The following PLGRKT variants were observed in gnomAD, a reference collection of about 807,000 sequenced individuals.
PLGRKT encodes the protein plasminogen receptor (KT).
In PLGRKT, 22 loss-of-function variants were observed where a neutral mutation model predicts 18.5. The observed-to-expected ratio is 1.19, with a 90% CI of 0.85 to 1.70. The LOEUF is 1.70. Among genes scored for constraint, PLGRKT ranks in the 40% most tolerant of loss-of-function variants. The pLI, the probability that PLGRKT is intolerant of heterozygous loss-of-function variation, is 0.00. For missense variants in PLGRKT, 235 were observed against 174.4 expected (o/e 1.35, Z -1.96); for synonymous variants, 72 against 52.8 (o/e 1.36, Z -1.58).
intron 3 of PLGRKT, among the ~76,000 whole-genome samples, chr9:5,393,671 T>C (rs1817990955): frequency 6.6e-6 from 1 of 151,868 alleles, no homozygotes; most frequent in South Asian, 2.1e-4. Flanking sequence ...GAATCAGAAA[T>C]TCTCTTACTA....
intron 3 of PLGRKT, among the ~76,000 whole-genome samples, chr9:5,415,056 A>G (rs1818433148): frequency 1.3e-5 from 2 of 152,232 alleles, no homozygotes; most frequent in Non-Finnish European, 2.9e-5. Context: ...TCCAAATATC[A>G]TTCTCTGACA....
chr9:5,365,263 G>C (rs909371372), intron 3 of PLGRKT, among the ~76,000 whole-genome samples: 5 of 152,190 alleles, frequency 3.3e-5, no homozygotes, highest in Non-Finnish European at 7.4e-5. Context: ...GATGGAGTAT[G>C]TCAAAGGGAC....
chr9:5,395,934 C>A (rs1818037845), intron 3 of PLGRKT, among the ~76,000 whole-genome samples: 1 of 144,500 alleles, frequency 6.9e-6, no homozygotes, highest in African/African-American at 2.6e-5. Context: ...CACTCTGTTG[C>A]CCAGACTGGC....
chr9:5,404,254 ACCCCTCCCT>A (rs1164533642), intron 3 of PLGRKT, among the ~76,000 whole-genome samples: 37 of 152,050 alleles, frequency 2.4e-4, no homozygotes, highest in Non-Finnish European at 1.6e-4. Flanking sequence ...AAAAGGAGGG[ACCCCTCCCT>A]AACTCATTCT....
At chr9:5,373,376 T>C (rs1817565823) in intron 3 of PLGRKT, among the ~76,000 whole-genome samples, 2 of 152,198 alleles carry the variant, frequency 1.3e-5, no homozygotes, top group African/African-American at 4.8e-5. Context: ...GTCCAAATAA[T>C]GACCACATTC....
chr9:5,380,190 C>T (rs1002345032), intron 3 of PLGRKT, among the ~76,000 whole-genome samples: 40 of 151,854 alleles, frequency 2.6e-4, no homozygotes, highest in Admixed American at 2.6e-3. Context: ...CGGTGAAACC[C>T]CGTCTCTACT....
chr9:5,377,728 G>A (rs551742979), intron 3 of PLGRKT, among the ~76,000 whole-genome samples: 21 of 152,204 alleles, frequency 1.4e-4, no homozygotes, highest in East Asian at 3.9e-4. Flanking sequence ...ACCTACCCAC[G>A]TAACAACAAA....
intron 3 of PLGRKT, among the ~76,000 whole-genome samples, chr9:5,377,249 TA>T (rs34637029): frequency 0.31 from 44,936 of 145,120 alleles, 6,754 homozygotes; most frequent in African/African-American, 0.32. Context: ...ACAAGTAAAC[TA>T]AAAAAAAAAA....
intron 2 of PLGRKT, among the ~76,000 whole-genome samples, chr9:5,434,502 G>GTACCC (rs1818917812): frequency 6.7e-6 from 1 of 149,676 alleles, no homozygotes; most frequent in Admixed American, 6.6e-5. Flanking sequence ...CCTGGGAAGT[G>GTACCC]AGGGGCACCT....
chr9:5,379,262 T>C (rs147825853), intron 3 of PLGRKT, among the ~76,000 whole-genome samples: 40 of 152,312 alleles, frequency 2.6e-4, no homozygotes, highest in African/African-American at 9.1e-4. Flanking sequence ...GAAATTACTT[T>C]AGTGAACTTT....
At chr9:5,415,052 T>C (rs1302144287) in intron 3 of PLGRKT, among the ~76,000 whole-genome samples, 1 of 152,216 alleles carries the variant, frequency 6.6e-6, no homozygotes, top group East Asian at 1.9e-4. Context: ...GATTTCCAAA[T>C]ATCATTCTCT....
intron 3 of PLGRKT, among the ~76,000 whole-genome samples, chr9:5,404,872 G>C (rs1286115586): frequency 2.0e-5 from 3 of 152,102 alleles, no homozygotes; most frequent in African/African-American, 7.2e-5. Flanking sequence ...CCTTTACCTA[G>C]AAAACCCCAT....
At chr9:5,413,513 G>C (rs951218938) in intron 3 of PLGRKT, among the ~76,000 whole-genome samples, 1 of 152,194 alleles carries the variant, frequency 6.6e-6, no homozygotes, top group African/African-American at 2.4e-5. Flanking sequence ...AGGCAAGAGA[G>C]TCAGAATTAG....
In PLGRKT at chr9:5,437,816, G is replaced by C. The variant is rs1374710429; in HGVS notation, c.-160C>G. On this transcript the variant is annotated 5_prime_UTR_variant, in exon 1 of 6. Transcript: ENST00000223864. ...GGCGGCGCTGGTGCCGGGACCAGGC[G>C]ACCGGTACGCAAACCTCCAGGCCCG... is the stretch of plus-strand genomic sequence containing the variant. The C allele has an allele frequency of 6.6e-6, 1 of 152,284 alleles. No individual in the cohort carries two copies. Among genetic ancestry groups the C allele is most frequent in the East Asian group, 1.9e-4 (1 of 5,190 alleles). 9.4% of individuals were successfully genotyped at this position (152,284 alleles called of 1,614,324 possible).
rs546620978 is a variant in PLGRKT at position 5,371,064 on chromosome 9, T to G, written c.82-9176A>C. On this transcript the variant is annotated intron_variant, in intron 3 of 5. Coordinates refer to ENST00000223864, the MANE Select transcript of PLGRKT (RefSeq NM_018465.4). ...CTTATTATATATCTTCCAATAAAGA[T>G]TACAACATAATTACATCCATTCTTA... Among the ~76,000 whole-genome samples, 27 of 152,292 alleles carry G rather than the reference T, an allele frequency of 1.8e-4. No homozygotes were observed. The South Asian group carries it at 5.4e-3, about 30-fold the overall frequency.
chr9:5,410,714 AAGGC>A (rs758217987), intron 3 of PLGRKT, among the ~76,000 whole-genome samples: 5 of 152,218 alleles, frequency 3.3e-5, no homozygotes, highest in African/African-American at 9.6e-5. Flanking sequence ...CTCTTGGAAT[AAGGC>A]AGATCCACAG....
At chr9:5,366,860 A>C (rs1029474368) in intron 3 of PLGRKT, among the ~76,000 whole-genome samples, 3 of 152,162 alleles carry the variant, frequency 2.0e-5, no homozygotes, top group Non-Finnish European at 4.4e-5. Flanking sequence ...GATGCTGCCA[A>C]GAGGCTCCTA....
intron 3 of PLGRKT, among the ~76,000 whole-genome samples, chr9:5,391,002 C>T (rs567250734): frequency 1.4e-4 from 22 of 151,998 alleles, no homozygotes; most frequent in Non-Finnish European, 3.1e-4. Flanking sequence ...TATTCGGTCT[C>T]TCCACCCTAA....
chr9:5,385,493 T>C (rs974011296), intron 3 of PLGRKT, among the ~76,000 whole-genome samples: 1 of 151,806 alleles, frequency 6.6e-6, no homozygotes, highest in Non-Finnish European at 1.5e-5. Context: ...GATCATTTTT[T>C]AACTCTGGAA....
Sources: allele counts gnomAD v4.1 joint callset (sites outside exome capture counted in the v4.1 genomes callset), GRCh38; gene constraint gnomAD v4.1.1; transcripts MANE v1.5; gene names NCBI Gene and HGNC (gene_info 2026-07-23, HGNC 2026-07-21).